Variants in MARCHF1 observed in about 807,000 individuals in gnomAD.
MARCHF1 encodes E3 ubiquitin-protein ligase MARCHF1.
In MARCHF1, 40 loss-of-function variants were observed where a neutral mutation model predicts 54.2. That is an observed-to-expected ratio of 0.74 (90% CI 0.57 to 0.96). MARCHF1 has a LOEUF of 0.96. Among genes scored for constraint, MARCHF1 ranks in the 40% least tolerant of loss-of-function variants. MARCHF1 has a pLI of 0.00. For synonymous variants in MARCHF1, 236 were observed against 236.3 expected (o/e 1.00, Z 0.01); for missense variants, 586 against 656.5 (o/e 0.89, Z 1.17).
chr4:163,974,434 C>A (rs1041421429), intron 3 of MARCHF1, among the ~76,000 whole-genome samples: 20 of 152,138 alleles, frequency 1.3e-4, no homozygotes, highest in African/African-American at 4.6e-4. Context: ...TCTTTGTAAC[C>A]CACATACCAG....
At chr4:164,072,370 GC>G (rs1046420799) in intron 2 of MARCHF1, among the ~76,000 whole-genome samples, 43 of 152,218 alleles carry the variant, frequency 2.8e-4, no homozygotes, top group African/African-American at 1.0e-3. Context: ...TTCGAGACCA[GC>G]TTCAGCAACA....
chr4:164,057,791 C>A (rs903082079), intron 2 of MARCHF1, among the ~76,000 whole-genome samples: 1 of 152,124 alleles, frequency 6.6e-6, no homozygotes, highest in African/African-American at 2.4e-5. Context: ...TAATAAGGCA[C>A]CATAATTTTT....
chr4:164,068,341 T>C (rs1158540697), intron 2 of MARCHF1, among the ~76,000 whole-genome samples: 1 of 152,088 alleles, frequency 6.6e-6, no homozygotes, highest in Non-Finnish European at 1.5e-5. Flanking sequence ...GGGAGCCCCT[T>C]TCTGGGCTGG....
chr4:163,876,581 G>A (rs1282795213), intron 3 of MARCHF1, among the ~76,000 whole-genome samples: 4 of 152,110 alleles, frequency 2.6e-5, no homozygotes. Context: ...TCACAGGGCA[G>A]TTTAAAGTAT....
chr4:163,774,233 A>T (rs936181695), intron 4 of MARCHF1, among the ~76,000 whole-genome samples: 1 of 152,208 alleles, frequency 6.6e-6, no homozygotes, highest in Admixed American at 6.5e-5. Context: ...TGTTATACTG[A>T]ATTGTCTAGG....
At chr4:164,171,477 C>T (rs1430994) in intron 1 of MARCHF1, among the ~76,000 whole-genome samples, 87,284 of 151,880 alleles carry the variant, frequency 0.57, 25,437 homozygotes, top group African/African-American at 0.62. Context: ...TATCATACTA[C>T]GTAATATTAA....
At position 163,528,330 on chromosome 4, in the gene MARCHF1, T is replaced by G. The variant is rs2110848123; in HGVS notation, c.*418A>C. 6.3e-6 allele frequency: 1 copy of G among 159,708 alleles called. No homozygotes were observed. The highest frequency in any genetic ancestry group is 1.9e-4 in the South Asian group (1 of 5,132). 9.9% of individuals were successfully genotyped at this position (159,708 alleles called of 1,614,324 possible). On this transcript the variant is annotated 3_prime_UTR_variant, in exon 10 of 10. Transcript: ENST00000514618. The stretch of plus-strand genomic sequence containing the variant: ...GCTTAAAACCAAATATGTTAGTTAT[T>G]TCCAGATGAGACAGTTAACATTACA...
At chr4:163,733,459 T>TTTA (rs1554008904) in intron 4 of MARCHF1, among the ~76,000 whole-genome samples, 1 of 149,348 alleles carries the variant, frequency 6.7e-6, no homozygotes, top group Non-Finnish European at 1.5e-5. Context: ...TTTTTTTAAT[T>TTTA]TTATTATTAT....
At chr4:164,044,512 C>T (rs1403487095) in intron 2 of MARCHF1, among the ~76,000 whole-genome samples, 1 of 152,116 alleles carries the variant, frequency 6.6e-6, no homozygotes, top group Non-Finnish European at 1.5e-5. Flanking sequence ...CTATCAGGCC[C>T]TTCTTCCAAT....
In MARCHF1 at chr4:164,312,319, CTT is replaced by C. The variant is rs34613860; in HGVS notation, c.-323+71549_-323+71550del. ...AGCACCTGTGAATTATTTTCTTTTT[CTT>C]TTTTTTTTTTTTTTTTTTTGAGACG... On this transcript the variant is annotated intron_variant, in intron 1 of 9. Coordinates refer to ENST00000514618, the MANE Select transcript of MARCHF1 (RefSeq NM_001394959.1). Among the ~76,000 whole-genome samples, 907 of 103,384 alleles carry C rather than the reference CTT, an allele frequency of 8.8e-3. 2 individuals carry two copies. Among genetic ancestry groups the C allele is most frequent in the Non-Finnish European group, 0.011 (580 of 53,794 alleles). 67.8% of individuals were successfully genotyped at this position (103,384 alleles called of 152,430 possible). A position where few individuals can be genotyped will look rare whatever the true frequency, so the allele number is the denominator to read the frequency against.
Position 164,247,635 on chromosome 4 carries a change from A to G in MARCHF1, c.-322-135973T>C, listed in dbSNP as rs1438411756. Among the ~76,000 whole-genome samples the G allele has an allele frequency of 3.1e-4, 47 of 150,082 alleles. No individual in the cohort carries two copies. In the East Asian group the frequency reaches 9.4e-3, roughly 30 times the overall value. ...TAAAAAAAAAAAAGTTAAAAGAAAA[A>G]AAGAAAGTAAAAAAAAAAAAAATGT... On this transcript the variant is annotated intron_variant, in intron 1 of 9. Transcript: ENST00000514618.
intron 2 of MARCHF1, among the ~76,000 whole-genome samples, chr4:163,994,257 A>ATGTGTGT (rs1553968459): frequency 7.3e-6 from 1 of 137,030 alleles, no homozygotes; most frequent in Admixed American, 7.5e-5. Flanking sequence ...ATAGAGAAAA[A>ATGTGTGT]GTGTGTGTGT....
At chr4:164,357,011 G>C (rs1051856301) in intron 1 of MARCHF1, among the ~76,000 whole-genome samples, 15 of 151,626 alleles carry the variant, frequency 9.9e-5, no homozygotes. Flanking sequence ...GATAACTAGT[G>C]GGTAGGCTTA....
In MARCHF1 at chr4:163,528,968, A is replaced by G; in HGVS notation, c.1418T>C (p.Val473Ala). ...GFTGGLVFMY[V>A]QCKVYVQLWR... ...CAACTGAACATAGACTTTACACTGT[A>G]CGTACATGAAGACAAGACCTCCTGT... Residue 473 changes from valine to alanine, a missense_variant, in exon 10 of 10, where the codon GTA (valine) becomes GCA (alanine). Val to Ala is a moderately conservative substitution (Grantham distance 64). Coordinates refer to ENST00000514618, the MANE Select transcript of MARCHF1 (RefSeq NM_001394959.1). 1 of 1,613,198 alleles carries G rather than the reference A, an allele frequency of 6.2e-7. No individual in the cohort carries two copies. The highest frequency in any genetic ancestry group is 8.5e-7 in the Non-Finnish European group (1 of 1,179,472).
chr4:163,997,549 G>C (rs761537109), intron 2 of MARCHF1, among the ~76,000 whole-genome samples: 2 of 151,892 alleles, frequency 1.3e-5, no homozygotes, highest in Non-Finnish European at 2.9e-5. Context: ...TATTTTTAAA[G>C]GCTGGGTTCA....
chr4:164,115,198 G>T (rs187212287), intron 1 of MARCHF1, among the ~76,000 whole-genome samples: 73 of 151,988 alleles, frequency 4.8e-4, no homozygotes, highest in African/African-American at 1.6e-3. Context: ...AATTTCTTCA[G>T]GGATAAAAAA....
chr4:163,547,848 C>A (rs1435636780), intron 8 of MARCHF1, among the ~76,000 whole-genome samples: 2 of 152,176 alleles, frequency 1.3e-5, no homozygotes, highest in African/African-American at 4.8e-5. Flanking sequence ...GGCCAATCAT[C>A]ATGTAATTTT....
At chr4:164,241,988 G>A (rs1031875675) in intron 1 of MARCHF1, among the ~76,000 whole-genome samples, 24 of 152,324 alleles carry the variant, frequency 1.6e-4, no homozygotes, top group Admixed American at 2.6e-4. Context: ...TGCCCACGGA[G>A]ACTCACTGAT....
chr4:163,912,887 T>C (rs942877493), intron 3 of MARCHF1, among the ~76,000 whole-genome samples: 3 of 152,190 alleles, frequency 2.0e-5, no homozygotes. Flanking sequence ...CTTTAAAAAA[T>C]ACGAAGAGCT....
Sources: allele counts gnomAD v4.1 joint callset (sites outside exome capture counted in the v4.1 genomes callset), GRCh38; gene constraint gnomAD v4.1.1; transcripts MANE v1.5; gene names NCBI Gene and HGNC (gene_info 2026-07-23, HGNC 2026-07-21).